Variants in HVCN1 observed in about 807,000 individuals in gnomAD.
HVCN1 encodes hydrogen voltage gated channel 1.
HVCN1 carries 14 observed loss-of-function variants against 29.2 expected under a neutral mutation model. The ratio of observed to expected loss-of-function variants is 0.48; its 90% CI spans 0.32 to 0.75. The LOEUF is 0.75. Among genes scored for constraint, HVCN1 ranks in the 30% least tolerant of loss-of-function variants. HVCN1 has a pLI of 0.04. For synonymous variants in HVCN1, 131 were observed against 133.2 expected (o/e 0.98, Z 0.11); for missense variants, 263 against 341.8 (o/e 0.77, Z 1.82).
intron 1 of HVCN1, among the ~76,000 whole-genome samples, chr12:110,704,028 T>G (rs1317189148): frequency 2.0e-5 from 3 of 152,116 alleles, no homozygotes; most frequent in African/African-American, 7.2e-5. Flanking sequence ...TTATTAAAAA[T>G]TTTTTGGGAC....
chr12:110,689,825 C>G (rs1345361390), upstream of HVCN1: 1 of 152,442 alleles, frequency 6.6e-6, no homozygotes, highest in African/African-American at 2.4e-5. This position sits in a 1 kb window ranked among gnomAD's most constrained non-coding sequence, Gnocchi z 5.7. Context: ...CCTGTGGGCC[C>G]TCCCAGCACC....
chr12:110,687,477 A>T (rs900463881), intron 2 of HVCN1, among the ~76,000 whole-genome samples: 1 of 152,126 alleles, frequency 6.6e-6, no homozygotes, highest in Non-Finnish European at 1.5e-5. Context: ...AGTACTTAGG[A>T]GGTGGCGGCT....
chr12:110,672,184 A>T (rs913746619), intron 3 of HVCN1, among the ~76,000 whole-genome samples: 1 of 152,142 alleles, frequency 6.6e-6, no homozygotes, highest in Non-Finnish European at 1.5e-5. Flanking sequence ...TTCAGGCTGG[A>T]GTGCAGCCGC....
chr12:110,680,945 A>G (rs1016360749), intron 3 of HVCN1, among the ~76,000 whole-genome samples: 1 of 152,146 alleles, frequency 6.6e-6, no homozygotes, highest in Non-Finnish European at 1.5e-5. Flanking sequence ...AACAAAACAA[A>G]AAAAGGCAGC....
At chr12:110,672,699 C>A (rs374200517) in intron 3 of HVCN1, among the ~76,000 whole-genome samples, 1 of 152,124 alleles carries the variant, frequency 6.6e-6, no homozygotes, top group East Asian at 1.9e-4. Context: ...GCTGGAGGCA[C>A]CCGGGGGAGG....
chr12:110,678,850 T>C (rs2339524), intron 3 of HVCN1, among the ~76,000 whole-genome samples: 66,875 of 152,066 alleles, frequency 0.44, 16,657 homozygotes, highest in African/African-American at 0.68. Flanking sequence ...GGGACACGCT[T>C]TGCCTATTTC....
chr12:110,668,895 CCTG>C (rs1417675353), intron 3 of HVCN1, among the ~76,000 whole-genome samples: 1 of 152,180 alleles, frequency 6.6e-6, no homozygotes, highest in Admixed American at 6.5e-5. Flanking sequence ...CCCTGCTTCT[CCTG>C]CTATCTCTGG....
chr12:110,703,389 T>TA (rs957871348), intron 1 of HVCN1, among the ~76,000 whole-genome samples: 8 of 146,744 alleles, frequency 5.5e-5, no homozygotes, highest in East Asian at 2.0e-4. Flanking sequence ...ATCCTGACTC[T>TA]AAAAAAAAAG....
At chr12:110,695,144 C>T (rs907972364) in intron 2 of HVCN1, among the ~76,000 whole-genome samples, 1 of 152,148 alleles carries the variant, frequency 6.6e-6, no homozygotes, top group Non-Finnish European at 1.5e-5. Flanking sequence ...TGCGGGGGCT[C>T]ACGCCTGCAA....
chr12:110,674,576 A>C (rs2136381123), intron 3 of HVCN1, among the ~76,000 whole-genome samples: 1 of 152,302 alleles, frequency 6.6e-6, no homozygotes, highest in South Asian at 2.1e-4. Flanking sequence ...GGAGGGACCC[A>C]GGGGGAGGTA....
In HVCN1 at chr12:110,676,832, A is replaced by G. The variant is rs2068765376; in HGVS notation, c.21+6393T>C. ...GGCAATTAATCTGAGCCAGGAGCAC[A>G]TCTGCATGCGAGTCCCACAGGTCCT... On this transcript the variant is annotated intron_variant, in intron 3 of 7. Transcript: ENST00000242607. This position sits in a 1 kb window ranked among gnomAD's most constrained non-coding sequence, Gnocchi z 4.1. Among the ~76,000 whole-genome samples, 1 of 152,146 alleles carries G rather than the reference A, an allele frequency of 6.6e-6. No homozygotes were observed. The highest frequency in any genetic ancestry group is 2.4e-5 in the African/African-American group (1 of 41,440).
intron 2 of HVCN1, among the ~76,000 whole-genome samples, chr12:110,698,530 G>A (rs938466344): frequency 1.3e-5 from 2 of 152,216 alleles, no homozygotes; most frequent in Admixed American, 1.3e-4. Flanking sequence ...GCAGAGCCGA[G>A]GTGGGAGGAC....
chr12:110,652,200 G>A (rs971916653), intron 5 of HVCN1, among the ~76,000 whole-genome samples: 2 of 152,102 alleles, frequency 1.3e-5, no homozygotes, highest in Non-Finnish European at 2.9e-5. Context: ...TTGAGACCAC[G>A]TTGGCCAACA....
At chr12:110,682,177 G>A (rs1023037073) in intron 3 of HVCN1, among the ~76,000 whole-genome samples, 1 of 152,016 alleles carries the variant, frequency 6.6e-6, no homozygotes, top group African/African-American at 2.4e-5. Context: ...TAGTAGAGAT[G>A]GGGTTTCACC....
At position 110,682,766 on chromosome 12, in the gene HVCN1, C is replaced by G. The variant is rs140934397; in HGVS notation, c.21+459G>C. 122 of 216,624 alleles carry G rather than the reference C, an allele frequency of 5.6e-4. 1 individual carries two copies. The highest frequency in any genetic ancestry group is 2.7e-3 in the South Asian group (43 of 16,012). 13.4% of individuals were successfully genotyped at this position (216,624 alleles called of 1,614,324 possible). On this transcript the variant is annotated intron_variant, in intron 3 of 7. Coordinates refer to ENST00000242607, the MANE Select transcript of HVCN1 (RefSeq NM_032369.4). ...AGTTATTAACATGCACTGTTCGAGA[C>G]CAGCCTGACCCACATGCAGAAACCC...
intron 1 of HVCN1, among the ~76,000 whole-genome samples, chr12:110,704,548 CT>C: frequency 6.6e-6 from 1 of 152,138 alleles, no homozygotes. Context: ...GTCCCAGCTA[CT>C]TGAGAGGCTG....
At chr12:110,697,570 C>G (rs984629145) in intron 2 of HVCN1, among the ~76,000 whole-genome samples, 16 of 151,708 alleles carry the variant, frequency 1.1e-4, no homozygotes, top group Non-Finnish European at 1.5e-4. Flanking sequence ...GGAGTCCCCC[C>G]AAGACTAGCA....
At position 110,701,916 on chromosome 12, in the gene HVCN1, C is replaced by CAACAACAAA. The variant is rs532906104; in HGVS notation, c.-104+392_-104+393insTTTGTTGTT. Among the ~76,000 whole-genome samples, 130 of 151,020 alleles carry CAACAACAAA rather than the reference C, an allele frequency of 8.6e-4. 1 individual carries two copies. Among genetic ancestry groups the CAACAACAAA allele is most frequent in the Middle Eastern group, 3.4e-3 (1 of 294 alleles). On this transcript the variant is annotated intron_variant, in intron 2 of 4. Coordinates refer to the HVCN1 transcript ENST00000546713. Reference sequence around the variant, plus strand: ...ACAACAACAACAACAACAACAACAACAAAACACACACAGGTCCCGGTAGCT... The same window carrying CAACAACAAA: ...ACAACAACAACAACAACAACAACAACAACAACAAAAAAACACACACAGGTCCCGGTAGCT...
chr12:110,671,051 G>C lies in HVCN1; in HGVS notation c.22-9603C>G, dbSNP rs377222736. On this transcript the variant is annotated intron_variant, in intron 3 of 7. Transcript: ENST00000242607. ...TACTAAAAATATAAAAATTGACCAG[G>C]TGCAGTGGCTCATGCCTGTAATCCC... Among the ~76,000 whole-genome samples, 102 of 152,286 alleles carry C rather than the reference G, an allele frequency of 6.7e-4. 2 individuals carry two copies. In the South Asian group the frequency reaches 0.021, roughly 32 times the overall value.
Sources: gnomAD v4.1 joint callset for allele counts (sites outside exome capture counted in the v4.1 genomes callset) on GRCh38, gnomAD v4.1.1 for gene constraint, Gnocchi (gnomAD v3.1) non-coding constraint, MANE v1.5 for transcripts, NCBI Gene and HGNC (gene_info 2026-07-23, HGNC 2026-07-21) for gene names.